The following DTNB variants were observed in gnomAD, a reference collection of about 807,000 sequenced individuals.
DTNB encodes the protein dystrobrevin beta.
A neutral mutation model predicts 90.7 loss-of-function variants in DTNB; 63 were observed. The observed-to-expected ratio is 0.69, with a 90% confidence interval of 0.57 to 0.86. The LOEUF (loss-of-function observed/expected upper bound fraction) is 0.86, where lower values mean the gene tolerates loss of function less well. DTNB is among the 40% of genes least tolerant of loss of function. DTNB has a pLI of 0.00. For synonymous variants in DTNB, 277 were observed against 286.7 expected, an observed-to-expected ratio of 0.97 and a Z score of 0.34; for missense variants, 744 against 807.1, an observed-to-expected ratio of 0.92 and a Z score of 0.95.
At chr2:25,495,336 G>A (rs2068582630) in intron 9 of DTNB, among the ~76,000 whole-genome samples, 1 of 152,184 alleles carries the variant, frequency 6.6e-6, no homozygotes. Context: ...AAAGTGCTAG[G>A]ATTACAGGCA....
At chr2:25,583,246 CAAAA>C (rs55876799) in intron 6 of DTNB, among the ~76,000 whole-genome samples, 2 of 97,124 alleles carry the variant, frequency 2.1e-5, no homozygotes, top group African/African-American at 7.6e-5. Context: ...GATTCCGTCT[CAAAA>C]AAAAAAAAAA....
At chr2:25,617,736 G>C (rs544992691) in intron 4 of DTNB, among the ~76,000 whole-genome samples, 131 of 152,264 alleles carry the variant, frequency 8.6e-4, no homozygotes, top group African/African-American at 3.1e-3. Flanking sequence ...AAATTAGCCA[G>C]GTGTGGTGAT....
At chr2:25,616,781 A>G (rs1323736661) in intron 4 of DTNB, among the ~76,000 whole-genome samples, 1 of 151,640 alleles carries the variant, frequency 6.6e-6, no homozygotes, top group African/African-American at 2.4e-5. Context: ...AAATACAAAA[A>G]ATTAGCCGGG....
chr2:25,524,111 G>A (rs1372896177), intron 9 of DTNB, among the ~76,000 whole-genome samples: 1 of 151,932 alleles, frequency 6.6e-6, no homozygotes, highest in Non-Finnish European at 1.5e-5. Context: ...ATGTTGGCCA[G>A]GCTGGTCTTG....
At chr2:25,649,116 T>C (rs2080231521) in intron 2 of DTNB, among the ~76,000 whole-genome samples, 1 of 149,364 alleles carries the variant, frequency 6.7e-6, no homozygotes. Flanking sequence ...GCCATTCTCC[T>C]GCCTCAGCCT....
chr2:25,521,055 G>T (rs1000151597), intron 9 of DTNB, among the ~76,000 whole-genome samples: 18 of 152,192 alleles, frequency 1.2e-4, no homozygotes, highest in African/African-American at 3.1e-4. Flanking sequence ...GTAAGAGGCA[G>T]TCTGGTTTCT....
intron 1 of DTNB, among the ~76,000 whole-genome samples, chr2:25,653,473 AGCTT>A (rs201045287): frequency 0.036 from 4,401 of 121,716 alleles, 134 homozygotes; most frequent in African/African-American, 0.051. Context: ...AACTGTTCAG[AGCTT>A]GCTTTCTTTC....
chr2:25,579,853 G>A (rs1342212745), intron 7 of DTNB, among the ~76,000 whole-genome samples: 4 of 151,972 alleles, frequency 2.6e-5, no homozygotes, highest in African/African-American at 9.7e-5. Flanking sequence ...AATCAAAGAG[G>A]AAGCAGGAAG....
rs760409252 is a variant in DTNB at position 25,387,827 on chromosome 2, G to A, written c.1735+375C>T. 6.6e-5 allele frequency among the ~76,000 whole-genome samples: 10 copies of A among 152,322 alleles called. No individual in the cohort carries two copies. Among genetic ancestry groups the A allele is most frequent in the African/African-American group, 1.2e-4 (5 of 41,558 alleles). Reference sequence around the variant, plus strand: ...CTCCCCCGATGACTGTGACAATGGCGTGCATACTGTGCTTTCAGCACGGTC... The same window carrying A: ...CTCCCCCGATGACTGTGACAATGGCATGCATACTGTGCTTTCAGCACGGTC... On this transcript the variant is annotated intron_variant, in intron 17 of 20. Coordinates refer to ENST00000406818, the MANE Select transcript of DTNB (RefSeq NM_021907.5). This position sits in a 1 kb window ranked among gnomAD's most constrained non-coding sequence, Gnocchi z 4.5.
In DTNB at chr2:25,628,172, T is replaced by C; in HGVS notation, c.361A>G (p.Ser121Gly). 1 of 1,613,746 alleles carries C rather than the reference T, an allele frequency of 6.2e-7. No homozygotes were observed. The highest frequency in any genetic ancestry group is 1.1e-5 in the South Asian group (1 of 91,060). ...LLNFMIAAYD[S>G]EGRGKLTVFS... ...CGTGTAAGGTAAGGTACTACTAGCC[T>C]GTCATATGCAGCAATCATAAAGTTG... The change falls in exon 4 of 21, where the codon AGT becomes GGT. Residue 121 changes from serine (S) to glycine (G), a missense_variant and splice_region_variant. Ser to Gly is a moderately conservative substitution (Grantham distance 56, BLOSUM62 0). Transcript: ENST00000406818.
rs188513870 is a variant in DTNB, at chr2:25,387,540, G to A, written c.1736-162C>T. Among the ~76,000 whole-genome samples the A allele has an allele frequency of 6.6e-6, 1 of 152,258 alleles. No individual in the cohort carries two copies. Among genetic ancestry groups the A allele is most frequent in the African/African-American group, 2.4e-5 (1 of 41,556 alleles). The stretch of plus-strand genomic sequence containing the variant: ...CCACCCATTCCCAGGCACACCGGGG[G>A]CAGGAGGCACCAGCCCACTGGTCCC... On this transcript the variant is annotated intron_variant, in intron 17 of 20. Coordinates refer to ENST00000406818, the MANE Select transcript of DTNB (RefSeq NM_021907.5). This position sits in a 1 kb window ranked among gnomAD's most constrained non-coding sequence, Gnocchi z 4.5.
intron 2 of DTNB, among the ~76,000 whole-genome samples, chr2:25,649,316 T>A (rs1441863115): frequency 6.6e-6 from 1 of 152,198 alleles, no homozygotes; most frequent in Non-Finnish European, 1.5e-5. Flanking sequence ...TCCTTCCTAC[T>A]TTTCAATATA....
chr2:25,646,801 T>C (rs1346050256), intron 2 of DTNB, among the ~76,000 whole-genome samples: 15 of 152,188 alleles, frequency 9.9e-5, no homozygotes, highest in Non-Finnish European at 1.5e-5. Context: ...CCGACTACCT[T>C]GGGCACATGT....
Position 25,436,702 on chromosome 2 carries a change from A to C in DTNB, c.1258-2707T>G, listed in dbSNP as rs548722225. On this transcript the variant is annotated intron_variant, in intron 12 of 20. Coordinates refer to ENST00000406818, the MANE Select transcript of DTNB (RefSeq NM_021907.5). ...GCATGGACTGGCAGCCTACTGAGTA[A>C]ATTTTCTATATTGTAGTCAGTCTTG... is the stretch of plus-strand genomic sequence containing the variant. Among the ~76,000 whole-genome samples, 11 of 152,238 alleles carry C rather than the reference A, an allele frequency of 7.2e-5. No homozygotes were observed. In the South Asian group the frequency reaches 2.3e-3, roughly 32 times the overall value.
At chr2:25,561,792 G>C (rs1366004232) in intron 8 of DTNB, among the ~76,000 whole-genome samples, 1 of 152,184 alleles carries the variant, frequency 6.6e-6, no homozygotes, top group Non-Finnish European at 1.5e-5. Context: ...ATGCTGAGCA[G>C]ACATTGGTGC....
intron 9 of DTNB, among the ~76,000 whole-genome samples, chr2:25,511,655 T>C (rs1489438205): frequency 2.0e-5 from 3 of 152,110 alleles, no homozygotes; most frequent in Non-Finnish European, 2.9e-5. Flanking sequence ...AATGCTTCCA[T>C]ATGGAACTGA....
Position 25,652,641 on chromosome 2 carries a change from T to C in DTNB, c.20A>G (p.Asn7Ser), listed in dbSNP as rs1574062569. Residue 7 changes from asparagine to serine, a missense_variant, in exon 2 of 21, where the codon AAC becomes AGC. Transcript: ENST00000406818. MIEESG[N>S]KRKTMAEKRQ... ...CTTCTCTGCCATGGTCTTCCGCTTG[T>C]TCCCACTTTCCTCAATCATCCTAGA... 6.2e-7 allele frequency: 1 copy of C among 1,613,056 alleles called. No individual in the cohort carries two copies. The highest frequency in any genetic ancestry group is 1.1e-5 in the South Asian group (1 of 90,998).
At chr2:25,540,581 C>A (rs189352373) in intron 8 of DTNB, among the ~76,000 whole-genome samples, 1 of 151,804 alleles carries the variant, frequency 6.6e-6, no homozygotes. Flanking sequence ...ATGACAATGG[C>A]GGTTTTGTAG....
At chr2:25,597,950 C>G (rs537344575) in intron 5 of DTNB, among the ~76,000 whole-genome samples, 1 of 152,172 alleles carries the variant, frequency 6.6e-6, no homozygotes, top group African/African-American at 2.4e-5. Flanking sequence ...ATGTGCTAGG[C>G]GCCACTTCAG....
Sources: allele counts gnomAD v4.1 joint callset (sites outside exome capture counted in the v4.1 genomes callset), GRCh38; gene constraint gnomAD v4.1.1; non-coding constraint Gnocchi (gnomAD v3.1); transcripts MANE v1.5; gene names NCBI Gene and HGNC (gene_info 2026-07-23, HGNC 2026-07-21).